Variants in ARHGAP15 observed in about 807,000 individuals in gnomAD.
ARHGAP15 encodes the protein rho GTPase-activating protein 15.
Under a neutral mutation model 63.7 loss-of-function variants are expected in ARHGAP15, and 51 were observed. The ratio of observed to expected loss-of-function variants is 0.80; its 90% CI spans 0.64 to 1.01. The LOEUF is 1.01. ARHGAP15 is among the 50% of genes least tolerant of loss of function. The pLI is 0.00. For missense variants in ARHGAP15, 560 were observed against 564.6 expected, an observed-to-expected ratio of 0.99 and a Z score of 0.08; for synonymous variants, 191 against 193.8, an observed-to-expected ratio of 0.99 and a Z score of 0.12.
chr2:143,392,973 T>G (rs1209838430), intron 6 of ARHGAP15, among the ~76,000 whole-genome samples: 1 of 152,080 alleles, frequency 6.6e-6, no homozygotes, highest in East Asian at 1.9e-4. Flanking sequence ...ATGTTAAGTG[T>G]GTGTAAAGGA....
intron 3 of ARHGAP15, among the ~76,000 whole-genome samples, chr2:143,215,672 C>T (rs976184788): frequency 1.3e-5 from 2 of 152,206 alleles, no homozygotes; most frequent in African/African-American, 4.8e-5. Context: ...CTAGTACAGA[C>T]TTTGCAGGGA....
At chr2:143,732,918 T>TG (rs1685600152) in intron 13 of ARHGAP15, among the ~76,000 whole-genome samples, 1 of 149,478 alleles carries the variant, frequency 6.7e-6, no homozygotes, top group Admixed American at 6.6e-5. Context: ...GGGTTTTTTT[T>TG]TTTTTTTTTT....
chr2:143,491,102 G>T (rs1404890497), intron 9 of ARHGAP15, among the ~76,000 whole-genome samples: 6 of 152,118 alleles, frequency 3.9e-5, no homozygotes, highest in African/African-American at 1.4e-4. Context: ...GTTCTCCAAG[G>T]GCATTCAAGT....
intron 6 of ARHGAP15, among the ~76,000 whole-genome samples, chr2:143,254,267 G>A (rs1357568315): frequency 6.6e-6 from 1 of 152,002 alleles, no homozygotes; most frequent in Non-Finnish European, 1.5e-5. Context: ...CATGTGAAAG[G>A]ATGGCAGCAT....
At chr2:143,533,561 T>C (rs893926863) in intron 10 of ARHGAP15, among the ~76,000 whole-genome samples, 2 of 152,156 alleles carry the variant, frequency 1.3e-5, no homozygotes, top group Admixed American at 6.6e-5. Flanking sequence ...TTTTAAAAGG[T>C]ATCAATAATT....
intron 1 of ARHGAP15, among the ~76,000 whole-genome samples, chr2:143,147,494 C>A (rs1357232417): frequency 1.3e-5 from 2 of 151,988 alleles, no homozygotes; most frequent in South Asian, 2.1e-4. Context: ...TATAAAATTT[C>A]TTATGCTCCC....
intron 10 of ARHGAP15, among the ~76,000 whole-genome samples, chr2:143,527,303 C>T (rs1020932836): frequency 3.3e-5 from 5 of 151,908 alleles, no homozygotes; most frequent in African/African-American, 1.2e-4. Context: ...TACCCATTTC[C>T]TTAAAAGACT....
chr2:143,449,143 G>GC lies in ARHGAP15; in HGVS notation c.703+12103dup, dbSNP rs144299838. Among the ~76,000 whole-genome samples, 458 of 152,068 alleles carry GC rather than the reference G, an allele frequency of 3.0e-3. 4 individuals are homozygous for GC. The highest frequency in any genetic ancestry group is 0.011 in the African/African-American group (443 of 41,504). On this transcript the variant is annotated intron_variant, in intron 8 of 13. Transcript: ENST00000295095. ...ACACTGCCTTGTAACTTTTGCCTGT[G>GC]CCACACCTAAGTCAGAAATTCTGAA...
chr2:143,736,414 A>C (rs1685748339), intron 13 of ARHGAP15, among the ~76,000 whole-genome samples: 1 of 151,962 alleles, frequency 6.6e-6, no homozygotes, highest in African/African-American at 2.4e-5. Context: ...AAAAAGCAAA[A>C]AAACAAACAA....
chr2:143,142,621 T>TACAACA (rs1689416979), intron 1 of ARHGAP15, among the ~76,000 whole-genome samples: 2 of 152,104 alleles, frequency 1.3e-5, no homozygotes, highest in Non-Finnish European at 2.9e-5. Flanking sequence ...GATCAGAATG[T>TACAACA]GTGGAAGTAC....
intron 6 of ARHGAP15, among the ~76,000 whole-genome samples, chr2:143,363,367 C>T (rs1192101896): frequency 3.3e-5 from 5 of 152,118 alleles, no homozygotes; most frequent in Non-Finnish European, 7.4e-5. Context: ...TGGTGAAACC[C>T]TGTCTCTACT....
At chr2:143,201,688 C>T (rs1198897652) in intron 2 of ARHGAP15, among the ~76,000 whole-genome samples, 1 of 152,072 alleles carries the variant, frequency 6.6e-6, no homozygotes, top group Non-Finnish European at 1.5e-5. Flanking sequence ...TAAGGCTTTC[C>T]TTGTGCTTAC....
intron 1 of ARHGAP15, among the ~76,000 whole-genome samples, chr2:143,135,375 C>A (rs1221652826): frequency 2.6e-5 from 4 of 152,130 alleles, no homozygotes; most frequent in Admixed American, 2.0e-4. Context: ...GGTTATTAGT[C>A]CAATTCCATT....
At chr2:143,148,517 T>C (rs1397696864) in intron 1 of ARHGAP15, among the ~76,000 whole-genome samples, 1 of 152,084 alleles carries the variant, frequency 6.6e-6, no homozygotes, top group East Asian at 1.9e-4. Context: ...AATATTTTAC[T>C]TGACATTTTC....
intron 2 of ARHGAP15, among the ~76,000 whole-genome samples, chr2:143,163,527 A>T (rs976225320): frequency 1.3e-5 from 2 of 151,982 alleles, no homozygotes; most frequent in African/African-American, 4.8e-5. Context: ...ATATATTTAC[A>T]AGCTGAAATA....
At chr2:143,665,689 C>A (rs1271297360) in intron 12 of ARHGAP15, among the ~76,000 whole-genome samples, 25 of 144,166 alleles carry the variant, frequency 1.7e-4, no homozygotes, top group Middle Eastern at 3.6e-3. Context: ...AGCCCAAAAT[C>A]TCCTTAAGCT....
intron 4 of ARHGAP15, among the ~76,000 whole-genome samples, chr2:143,220,053 T>A (rs148205241): frequency 1.7e-3 from 253 of 152,340 alleles, no homozygotes; most frequent in African/African-American, 6.0e-3. Flanking sequence ...TCACCATGTT[T>A]AAGAACATGA....
intron 6 of ARHGAP15, among the ~76,000 whole-genome samples, chr2:143,267,451 G>A (rs562196840): frequency 6.6e-6 from 1 of 152,204 alleles, no homozygotes; most frequent in East Asian, 1.9e-4. Flanking sequence ...TTAAAATTTG[G>A]AAGTGTTGGG....
At position 143,708,969 on chromosome 2, in the gene ARHGAP15, G is replaced by C. The variant is rs1684452757; in HGVS notation, c.1244+5445G>C. ...ATCTTATCAACTACATATCCACCTA[G>C]AATCTTATCAACTACATATTCACCT... On this transcript the variant is annotated intron_variant, in intron 13 of 13. Coordinates refer to ENST00000295095, the MANE Select transcript of ARHGAP15 (RefSeq NM_018460.4). Among the ~76,000 whole-genome samples, 4 of 152,018 alleles carry C rather than the reference G, an allele frequency of 2.6e-5. No homozygotes were observed. In the South Asian group the frequency reaches 8.3e-4, roughly 32 times the overall value.
Sources: allele counts gnomAD v4.1 joint callset (sites outside exome capture counted in the v4.1 genomes callset), GRCh38; gene constraint gnomAD v4.1.1; transcripts MANE v1.5; gene names NCBI Gene and HGNC (gene_info 2026-07-23, HGNC 2026-07-21).